The following LIPN variants were observed in gnomAD, a reference collection of about 807,000 sequenced individuals.
LIPN encodes lipase family member N, also known as lipase member N.
A neutral mutation model predicts 43.7 loss-of-function variants in LIPN; 32 were observed. That is an observed-to-expected ratio of 0.73 (90% confidence interval 0.55 to 0.98). The LOEUF is 0.98. Among genes scored for constraint, LIPN ranks in the 50% least tolerant of loss-of-function variants. The pLI, the probability that LIPN is intolerant of heterozygous loss-of-function variation, is 0.00. For synonymous variants in LIPN, 156 were observed against 157.6 expected (o/e 0.99, Z 0.08); for missense variants, 505 against 483.8 (o/e 1.04, Z -0.41).
intron 7 of LIPN, among the ~76,000 whole-genome samples, chr10:88,774,044 A>G (rs561545815): frequency 2.1e-4 from 32 of 152,130 alleles, no homozygotes; most frequent in African/African-American, 7.7e-4. Flanking sequence ...GATGTTAAAT[A>G]TGGTGGCCAA....
intron 6 of LIPN, among the ~76,000 whole-genome samples, chr10:88,769,193 A>G (rs1193656222): frequency 6.6e-6 from 1 of 151,920 alleles, no homozygotes; most frequent in Non-Finnish European, 1.5e-5. Flanking sequence ...ACTGAGTGCT[A>G]TATGACAACA....
Sources: allele counts gnomAD v4.1 joint callset (sites outside exome capture counted in the v4.1 genomes callset), GRCh38; gene constraint gnomAD v4.1.1; transcripts MANE v1.5; gene names NCBI Gene and HGNC (gene_info 2026-07-23, HGNC 2026-07-21).